The following GPRIN1 variants were observed in gnomAD, a reference collection of about 807,000 sequenced individuals.
GPRIN1 encodes the protein G protein-regulated inducer of neurite outgrowth 1.
In GPRIN1, 4 loss-of-function variants were observed where a neutral mutation model predicts 2.8. That is an observed-to-expected ratio of 1.45 (90% CI 0.71 to 3.32). The LOEUF (loss-of-function observed/expected upper bound fraction) is 3.32, where lower values mean the gene tolerates loss of function less well. Among genes scored for constraint, GPRIN1 ranks in the 30% most tolerant of loss-of-function variants. The probability of loss-of-function intolerance (pLI) is 0.01; values close to 1 mark genes in which losing one functional copy is unlikely to be tolerated. For synonymous variants in GPRIN1, 589 were observed against 589.9 expected (o/e 1.00, Z 0.02); for missense variants, 1,322 against 1,343.4 (o/e 0.98, Z 0.25).
Position 176,596,827 on chromosome 5 carries a change from GC to G in GPRIN1, c.3007del (p.Ala1003ArgfsTer82). On this transcript the variant is annotated frameshift_variant, in exon 2 of 2. Coordinates refer to ENST00000303991, the MANE Select transcript of GPRIN1 (RefSeq NM_052899.3). LOFTEE classifies it high-confidence loss of function. The surrounding 1 kb of genome is among the most constrained non-coding windows in gnomAD (Gnocchi z 5.2). ...SVRRPRCCSR[A>X]GPTAE ...GGCAGATCACTCGGCCGTGGGTCCC[GC>G]CCGCGAGCAGCACCGCGGCCGGCGC... 1 of 1,416,012 alleles carries G rather than the reference GC, an allele frequency of 7.1e-7. No homozygotes were observed. The allele number at this position is 1,416,012 out of a possible 1,614,324, so 87.7% of individuals were successfully genotyped here.
Position 176,602,939 on chromosome 5 carries a change from G to C in GPRIN1, c.-43-3062C>G, listed in dbSNP as rs978690400. Among the ~76,000 whole-genome samples, 1 of 152,234 alleles carries C rather than the reference G, an allele frequency of 6.6e-6. No homozygotes were observed. Among genetic ancestry groups the C allele is most frequent in the African/African-American group, 2.4e-5 (1 of 41,452 alleles). On this transcript the variant is annotated intron_variant, in intron 1 of 1. Transcript: ENST00000303991. The surrounding 1 kb of genome is among the most constrained non-coding windows in gnomAD (Gnocchi z 4.4). The stretch of plus-strand genomic sequence containing the variant: ...ACACATGGATGGGTTTATTTATAAA[G>C]AGAATTTCTGGATGGAATCCTATAA...
chr5:176,595,882 CTG>C lies in GPRIN1; in HGVS notation c.*924_*925del. The C allele has an allele frequency of 2.2e-6, 1 of 459,908 alleles. No individual in the cohort carries two copies. Among genetic ancestry groups the C allele is most frequent in the Non-Finnish European group, 3.8e-6 (1 of 266,448 alleles). 28.5% of individuals were successfully genotyped at this position (459,908 alleles called of 1,614,324 possible). On this transcript the variant is annotated 3_prime_UTR_variant, in exon 2 of 2. Coordinates refer to ENST00000303991, the MANE Select transcript of GPRIN1 (RefSeq NM_052899.3). Reference sequence around the variant, plus strand: ...CGGCTGGAGGGGTGGGGACGGGACACTGAGTGGTCACAAGGGACTTGGGCTCA... The same window carrying C: ...CGGCTGGAGGGGTGGGGACGGGACACAGTGGTCACAAGGGACTTGGGCTCA...
chr5:176,596,712 G>T lies in GPRIN1; in HGVS notation c.*96C>A. Reference sequence around the variant, plus strand: ...CCTAGAGGCTGCACAACCCCTCGGAGGCCTGTGGCACGCAGAGGGGACCCC... The same window carrying T: ...CCTAGAGGCTGCACAACCCCTCGGATGCCTGTGGCACGCAGAGGGGACCCC... On this transcript the variant is annotated 3_prime_UTR_variant, in exon 2 of 2. Transcript: ENST00000303991. This position sits in a 1 kb window ranked among gnomAD's most constrained non-coding sequence, Gnocchi z 5.2. The T allele has an allele frequency of 9.3e-7, 1 of 1,070,362 alleles. No homozygotes were observed. The highest frequency in any genetic ancestry group is 1.2e-6 in the Non-Finnish European group (1 of 837,426). The allele number at this position is 1,070,362 out of a possible 1,614,324, so 66.3% of individuals were successfully genotyped here.
Position 176,597,821 on chromosome 5 carries a change from G to C in GPRIN1, c.2014C>G (p.Pro672Ala). The C allele has an allele frequency of 1.2e-6, 2 of 1,610,920 alleles. No individual in the cohort carries two copies. Among genetic ancestry groups the C allele is most frequent in the Non-Finnish European group, 1.7e-6 (2 of 1,178,536 alleles). ...ETPQASEKVD[P>A]GSCRKAEPLA... ...GGCTCTGCTTTTCTGCAGGATCCAG[G>C]ATCCACCTTCTCTGAGGCCTGTGGT... The change falls in exon 2 of 2, where the codon CCT (proline) becomes GCT (alanine). Residue 672 changes from proline to alanine, a missense_variant. Physicochemically the swap from Pro to Ala is conservative, Grantham distance 27. Coordinates refer to ENST00000303991, the MANE Select transcript of GPRIN1 (RefSeq NM_052899.3). The surrounding 1 kb of genome is among the most constrained non-coding windows in gnomAD (Gnocchi z 6.1).
chr5:176,598,725 G>A lies in GPRIN1; in HGVS notation c.1110C>T (p.Asp370=). 7.4e-6 allele frequency: 12 copies of A among 1,613,972 alleles called. No individual in the cohort carries two copies. The highest frequency in any genetic ancestry group is 1.0e-5 in the Non-Finnish European group (12 of 1,180,036). The change falls in exon 2 of 2, where the codon GAC becomes GAT. Residue 370 remains aspartate, a synonymous_variant. Transcript: ENST00000303991. ...GGTCCATCTTTCCCAGGAACCGGGA[G>A]TCCTCTTTTGTGGCAGGCACAGTTT... ...NVETVPATKE[D]SRFLGKMDPA...
chr5:176,597,019 T>C lies in GPRIN1; in HGVS notation c.2816A>G (p.Gln939Arg). The change falls in exon 2 of 2, where the codon CAG becomes CGG. Residue 939 changes from glutamine to arginine, a missense_variant. By Grantham distance (43) the Gln-to-Arg change is conservative. Around this residue, in one of 3 missense-constraint regions of GPRIN1, gnomAD observed 196 missense variants for 189.2 expected, o/e 1.04. Coordinates refer to ENST00000303991, the MANE Select transcript of GPRIN1 (RefSeq NM_052899.3). This position sits in a 1 kb window ranked among gnomAD's most constrained non-coding sequence, Gnocchi z 6.1. ...CTCGATCTGTCGCTCCAGATGCTTCTGGATGGCCATGCCCAGCACCTCCAC... is the reference window on the plus strand; with the variant it reads ...CTCGATCTGTCGCTCCAGATGCTTCCGGATGGCCATGCCCAGCACCTCCAC... Reference protein sequence around the residue: ...MEVEVLGMAIQKHLERQIEEH... With the variant: ...MEVEVLGMAIRKHLERQIEEH... The C allele has an allele frequency of 6.8e-7, 1 of 1,477,300 alleles. No homozygotes were observed. The highest frequency in any genetic ancestry group is 1.3e-5 in the South Asian group (1 of 75,118). 91.5% of individuals were successfully genotyped at this position (1,477,300 alleles called of 1,614,324 possible). A position where few individuals can be genotyped will look rare whatever the true frequency, so the allele number is the denominator to read the frequency against.
intron 1 of GPRIN1, among the ~76,000 whole-genome samples, chr5:176,605,556 G>T (rs1759211085): frequency 1.3e-5 from 2 of 152,118 alleles, no homozygotes; most frequent in African/African-American, 4.8e-5. Context: ...TAATCCCAGT[G>T]CTTTGGGAAG....
In GPRIN1 at chr5:176,598,929, C is replaced by T. The variant is rs745726833; in HGVS notation, c.906G>A (p.Leu302=). ...GPSGKADPMP[L]ESMDSASTGK... is the part of the protein sequence containing the mutation. The stretch of plus-strand genomic sequence containing the variant: ...CTGTGGACGCAGAATCCATGCTTTC[C>T]AAGGGCATGGGATCTGCCTTTCCCG... The change falls in exon 2 of 2, where the codon TTG becomes TTA. Residue 302 remains leucine, a synonymous_variant. Transcript: ENST00000303991. 6.2e-7 allele frequency: 1 copy of T among 1,614,110 alleles called. No homozygotes were observed. The highest frequency in any genetic ancestry group is 2.2e-5 in the East Asian group (1 of 44,890).
At chr5:176,607,206 G>A (rs1759233615) in intron 1 of GPRIN1, among the ~76,000 whole-genome samples, 1 of 152,186 alleles carries the variant, frequency 6.6e-6, no homozygotes, top group Non-Finnish European at 1.5e-5. Context: ...CAGTTCTGCT[G>A]GGCCCTTCCT....
At chr5:176,606,036 C>G (rs2113354014) in intron 1 of GPRIN1, among the ~76,000 whole-genome samples, 1 of 152,268 alleles carries the variant, frequency 6.6e-6, no homozygotes, top group South Asian at 2.1e-4. Flanking sequence ...GCCCTGGGGT[C>G]CTCACACACC....
Position 176,597,778 on chromosome 5 carries a change from C to T in GPRIN1, c.2057G>A (p.Gly686Glu). The change falls in exon 2 of 2, where the codon GGA becomes GAA. Residue 686 changes from glycine to glutamate, a missense_variant. By Grantham distance (98) the Gly-to-Glu change is moderately conservative. Transcript: ENST00000303991. The surrounding 1 kb of genome is among the most constrained non-coding windows in gnomAD (Gnocchi z 6.1). ...RKAEPLASGKGEPVSLGKADS... is the reference protein window; with the variant it reads ...RKAEPLASGKEEPVSLGKADS... ...GGCTTTCCCCAGGGACACAGGCTCT[C>T]CCTTCCCTGAGGCAAGGGGCTCTGC... 3 of 1,605,030 alleles carry T rather than the reference C, an allele frequency of 1.9e-6. No homozygotes were observed. Among genetic ancestry groups the T allele is most frequent in the Non-Finnish European group, 2.6e-6 (3 of 1,175,492 alleles).
intron 1 of GPRIN1, 57 bp from the exon 2 acceptor site, chr5:176,599,934 C>T: frequency 8.9e-7 from 1 of 1,125,922 alleles, no homozygotes; most frequent in Non-Finnish European, 1.2e-6. Context: ...GGAGGAGACT[C>T]TGCCTTCTCC....
At chr5:176,603,306 T>C (rs1759174986) in intron 1 of GPRIN1, among the ~76,000 whole-genome samples, 1 of 152,024 alleles carries the variant, frequency 6.6e-6, no homozygotes, top group Non-Finnish European at 1.5e-5. Context: ...TGGAGGAATC[T>C]CTCCCTCCCT....
rs185792739 is a variant in GPRIN1, at chr5:176,602,639, G to A, written c.-43-2762C>T. ...CAATTTCTATCAAAGTTTACAACGC[G>A]CATAGCATTTGAGCCACCAAGCCCA... On this transcript the variant is annotated intron_variant, in intron 1 of 1. Coordinates refer to ENST00000303991, the MANE Select transcript of GPRIN1 (RefSeq NM_052899.3). The surrounding 1 kb of genome is among the most constrained non-coding windows in gnomAD (Gnocchi z 4.4). 2.4e-4 allele frequency among the ~76,000 whole-genome samples: 37 copies of A among 152,304 alleles called. No homozygotes were observed. Among genetic ancestry groups the A allele is most frequent in the African/African-American group, 7.7e-4 (32 of 41,570 alleles).
intron 1 of GPRIN1, among the ~76,000 whole-genome samples, chr5:176,601,654 C>T (rs896040620): frequency 6.6e-6 from 1 of 152,078 alleles, no homozygotes; most frequent in Non-Finnish European, 1.5e-5. Flanking sequence ...TACAAGCAAC[C>T]CCGTTCCGTT....
At chr5:176,607,341 G>A (rs983995479) in intron 1 of GPRIN1, among the ~76,000 whole-genome samples, 3 of 152,072 alleles carry the variant, frequency 2.0e-5, no homozygotes, top group Non-Finnish European at 4.4e-5. Context: ...GGCCCAGCAC[G>A]CTCACTGTCT....
In GPRIN1 at chr5:176,599,542, C is replaced by T; in HGVS notation, c.293G>A (p.Cys98Tyr). 2 of 1,596,154 alleles carry T rather than the reference C, an allele frequency of 1.3e-6. No individual in the cohort carries two copies. The highest frequency in any genetic ancestry group is 1.7e-6 in the Non-Finnish European group (2 of 1,170,680). ...RGSLACPSPT[C>Y]FSPQESPSKE... ...GGAGGGTGACTCCTGGGGAGAGAAG[C>T]AGGTTGGGGAGGGGCAGGCCAGGCT... is the stretch of plus-strand genomic sequence containing the variant. The change falls in exon 2 of 2, where the codon TGC (cysteine) becomes TAC (tyrosine). Residue 98 changes from cysteine to tyrosine, a missense_variant. This residue lies in a region of GPRIN1 where 1,117 missense variants were observed against 1,128.6 expected (regional missense o/e 0.99). Coordinates refer to ENST00000303991, the MANE Select transcript of GPRIN1 (RefSeq NM_052899.3).
In GPRIN1 at chr5:176,597,108, G is replaced by A. The variant is rs765835641; in HGVS notation, c.2727C>T (p.Pro909=). The change falls in exon 2 of 2, where the codon CCC becomes CCT. Residue 909 remains proline, a synonymous_variant. Transcript: ENST00000303991. The surrounding 1 kb of genome is among the most constrained non-coding windows in gnomAD (Gnocchi z 6.1). ...TCTCGTCCCAGCTCACGTCTCGCAC[G>A]GGCTCAGCCGGCTCCGGGGGCGCTA... The part of the protein sequence containing the change: ...AAVAPPEPAE[P]VRDVSWDEKG... 95 of 1,476,942 alleles carry A rather than the reference G, an allele frequency of 6.4e-5. No homozygotes were observed. The highest frequency in any genetic ancestry group is 8.5e-5 in the Non-Finnish European group (94 of 1,110,764). 91.5% of individuals were successfully genotyped at this position (1,476,942 alleles called of 1,614,324 possible). A position where few individuals can be genotyped will look rare whatever the true frequency, so the allele number is the denominator to read the frequency against.
chr5:176,608,242 CCT>C (rs1472135172), intron 1 of GPRIN1, among the ~76,000 whole-genome samples: 2 of 152,084 alleles, frequency 1.3e-5, no homozygotes, highest in African/African-American at 4.8e-5. Context: ...CTCAAAACCC[CCT>C]TTCTGGTTTT....
Sources: allele counts gnomAD v4.1 joint callset (sites outside exome capture counted in the v4.1 genomes callset), GRCh38; gene constraint gnomAD v4.1.1; regional missense constraint gnomAD v4.1.1; non-coding constraint Gnocchi (gnomAD v3.1); transcripts MANE v1.5; gene names NCBI Gene and HGNC (gene_info 2026-07-23, HGNC 2026-07-21).